GABBR2: variants seen among roughly 807,000 people sequenced by gnomAD.
The protein encoded by GABBR2 is gamma-aminobutyric acid type B receptor subunit 2.
A neutral mutation model predicts 105.6 loss-of-function variants in GABBR2; 23 were observed. The ratio of observed to expected loss-of-function variants is 0.22; its 90% CI spans 0.16 to 0.31. The LOEUF is 0.31. Ranked by LOEUF, GABBR2 falls within the 10% of genes least tolerant of loss-of-function variation. The pLI is 1.00. For synonymous variants in GABBR2, 478 were observed against 499.7 expected (o/e 0.96, Z 0.58); for missense variants, 734 against 1,245.5 (o/e 0.59, Z 6.18).
At chr9:98,381,328 T>C (rs1031047673) in intron 11 of GABBR2, among the ~76,000 whole-genome samples, 8 of 152,156 alleles carry the variant, frequency 5.3e-5, no homozygotes, top group African/African-American at 1.9e-4. Context: ...AGATCCGTGA[T>C]CACTACACCA....
At position 98,388,752 on chromosome 9, in the gene GABBR2, T is replaced by C. The variant is rs1415287148; in HGVS notation, c.1529+102A>G. 1.0e-6 allele frequency: 1 copy of C among 952,764 alleles called. No individual in the cohort carries two copies. Among genetic ancestry groups the C allele is most frequent in the Non-Finnish European group, 1.6e-6 (1 of 638,576 alleles). The allele number at this position is 952,764 out of a possible 1,614,324, so 59.0% of individuals were successfully genotyped here. On this transcript the variant is annotated intron_variant, in intron 10 of 18. Transcript: ENST00000259455. This position sits in a 1 kb window ranked among gnomAD's most constrained non-coding sequence, Gnocchi z 4.4. ...CTTTGGGAAACTCTGCCCTGCAGACTTCTGTGTCCCTGGGGAATCTGTCAT... is the reference window on the plus strand; with the variant it reads ...CTTTGGGAAACTCTGCCCTGCAGACCTCTGTGTCCCTGGGGAATCTGTCAT...
chr9:98,428,948 A>G (rs572124249), intron 7 of GABBR2, among the ~76,000 whole-genome samples: 4 of 152,188 alleles, frequency 2.6e-5, no homozygotes, highest in Non-Finnish European at 4.4e-5. Flanking sequence ...AGAGTCCTGA[A>G]TGATACATTC....
At chr9:98,630,505 C>T (rs747960517) in intron 1 of GABBR2, among the ~76,000 whole-genome samples, 1 of 152,148 alleles carries the variant, frequency 6.6e-6, no homozygotes, top group Non-Finnish European at 1.5e-5. Context: ...TGAGCAGTGG[C>T]CCAAAGACCT....
chr9:98,475,370 A>G (rs1368406781), intron 5 of GABBR2, among the ~76,000 whole-genome samples: 2 of 152,016 alleles, frequency 1.3e-5, no homozygotes, highest in Non-Finnish European at 2.9e-5. Flanking sequence ...AAAAGAAAAG[A>G]AAAGAAAAGA....
Position 98,596,524 on chromosome 9 carries a change from G to A in GABBR2, c.322-18452C>T, listed in dbSNP as rs1829236849. Among the ~76,000 whole-genome samples, 3 of 152,238 alleles carry A rather than the reference G, an allele frequency of 2.0e-5. No homozygotes were observed. In the South Asian group the frequency reaches 6.2e-4, roughly 32 times the overall value. On this transcript the variant is annotated intron_variant, in intron 1 of 18. Transcript: ENST00000259455. ...CCTCTCTGGTCCCTCCTGAGGAAAT[G>A]GTAGGGGGATATCCTCAAAGCCCCC...
intron 3 of GABBR2, among the ~76,000 whole-genome samples, chr9:98,510,087 C>G (rs1399995106): frequency 2.6e-5 from 4 of 152,222 alleles, no homozygotes; most frequent in Non-Finnish European, 1.5e-5. Flanking sequence ...AGAAACTCTA[C>G]AAGCCAGAAG....
rs1829122394 is a variant in GABBR2 at position 98,589,790 on chromosome 9, C to G, written c.322-11718G>C. Among the ~76,000 whole-genome samples the G allele has an allele frequency of 2.0e-5, 3 of 150,634 alleles. 1 individual carries two copies. The highest frequency in any genetic ancestry group is 4.2e-4 in the South Asian group (2 of 4,754). ...AGTGCAGTGGTGCCATCATGGCTCA[C>G]AGCAGCCTCAACCTCCTGGGCTCAA... On this transcript the variant is annotated intron_variant, in intron 1 of 18. Transcript: ENST00000259455.
At chr9:98,665,624 C>A (rs1164606715) in intron 1 of GABBR2, among the ~76,000 whole-genome samples, 1 of 152,212 alleles carries the variant, frequency 6.6e-6, no homozygotes, top group Non-Finnish European at 1.5e-5. Context: ...ACAATCACAA[C>A]ACAGACCCTA....
chr9:98,567,334 T>C (rs751839256), intron 2 of GABBR2, among the ~76,000 whole-genome samples: 18 of 152,190 alleles, frequency 1.2e-4, no homozygotes, highest in Non-Finnish European at 2.2e-4. Flanking sequence ...CTTGCAGGAA[T>C]AGATTGGGAA....
intron 4 of GABBR2, among the ~76,000 whole-genome samples, chr9:98,488,630 G>T (rs913416113): frequency 7.2e-6 from 1 of 139,490 alleles, no homozygotes; most frequent in Admixed American, 7.4e-5. Flanking sequence ...TCATTCCCTA[G>T]CACTTTTTTT....
chr9:98,357,766 A>G (rs373961889), intron 13 of GABBR2, among the ~76,000 whole-genome samples: 1 of 152,204 alleles, frequency 6.6e-6, no homozygotes, highest in African/African-American at 2.4e-5. Flanking sequence ...CCAGAGCCTT[A>G]CAGGACCTGT....
At chr9:98,518,906 G>T (rs538109115) in intron 3 of GABBR2, among the ~76,000 whole-genome samples, 2 of 152,192 alleles carry the variant, frequency 1.3e-5, no homozygotes, top group Non-Finnish European at 2.9e-5. Flanking sequence ...TGTGTCTTGG[G>T]GTGGACACTG....
At chr9:98,543,277 G>A (rs1330026496) in intron 2 of GABBR2, among the ~76,000 whole-genome samples, 1 of 151,948 alleles carries the variant, frequency 6.6e-6, no homozygotes, top group Non-Finnish European at 1.5e-5. Flanking sequence ...GTGAAAAGAT[G>A]TTATCTGGTT....
rs1483840919 is a variant in GABBR2 at position 98,290,105 on chromosome 9, C to T, written c.*479G>A. On this transcript the variant is annotated 3_prime_UTR_variant, in exon 19 of 19. Transcript: ENST00000259455. ...CTGGGGGCCTGGTGGCCCTTCCCACCTCCTCCCCCAGAGTGGAGAAGGGCT... is the reference window on the plus strand; with the variant it reads ...CTGGGGGCCTGGTGGCCCTTCCCACTTCCTCCCCCAGAGTGGAGAAGGGCT... 3 of 152,622 alleles carry T rather than the reference C, an allele frequency of 2.0e-5. No homozygotes were observed. Among genetic ancestry groups the T allele is most frequent in the African/African-American group, 4.8e-5 (2 of 41,450 alleles). The allele number at this position is 152,622 out of a possible 1,614,324, so 9.5% of individuals were successfully genotyped here.
rs1827231280 is a variant in GABBR2, at chr9:98,494,205, CT to C, written c.732+2207del. On this transcript the variant is annotated intron_variant, in intron 4 of 18. Coordinates refer to ENST00000259455, the MANE Select transcript of GABBR2 (RefSeq NM_005458.8). ...AGTACATTCTGTTGTTATAAACCAC[CT>C]AGTTTGTGATACTTTGTCGCAGCAG... 2.6e-5 allele frequency among the ~76,000 whole-genome samples: 4 copies of C among 152,250 alleles called. No homozygotes were observed. The South Asian group carries it at 8.3e-4, about 32-fold the overall frequency.
At chr9:98,390,902 CCTT>C (rs1294798612) in intron 9 of GABBR2, among the ~76,000 whole-genome samples, 3 of 152,148 alleles carry the variant, frequency 2.0e-5, no homozygotes, top group Non-Finnish European at 4.4e-5. Context: ...CCTTCTTACT[CCTT>C]CTTCTGTTCC....
chr9:98,350,915 G>A (rs1407012759), intron 13 of GABBR2, among the ~76,000 whole-genome samples: 3 of 152,138 alleles, frequency 2.0e-5, no homozygotes, highest in African/African-American at 7.2e-5. Context: ...ATATCTGGGT[G>A]CTCTGGCATT....
chr9:98,571,396 T>A (rs1828827614), intron 2 of GABBR2, among the ~76,000 whole-genome samples: 1 of 152,138 alleles, frequency 6.6e-6, no homozygotes, highest in Admixed American at 6.5e-5. Flanking sequence ...AGTTGGAGTT[T>A]TTTGGACCAG....
At chr9:98,558,379 T>C (rs1460507867) in intron 2 of GABBR2, among the ~76,000 whole-genome samples, 1 of 151,974 alleles carries the variant, frequency 6.6e-6, no homozygotes, top group Non-Finnish European at 1.5e-5. Flanking sequence ...GCTAAGGGAG[T>C]GAAGAATGAG....
Sources: gnomAD v4.1 joint callset for allele counts (sites outside exome capture counted in the v4.1 genomes callset) on GRCh38, gnomAD v4.1.1 for gene constraint, Gnocchi (gnomAD v3.1) non-coding constraint, MANE v1.5 for transcripts, NCBI Gene and HGNC (gene_info 2026-07-23, HGNC 2026-07-21) for gene names.